PCDHGA1: variants seen among roughly 807,000 people sequenced by gnomAD.
PCDHGA1 encodes protocadherin gamma subfamily A, 1, also known as protocadherin gamma-A1.
Under a neutral mutation model 58.0 loss-of-function variants are expected in PCDHGA1, and 32 were observed. The ratio of observed to expected loss-of-function variants is 0.55; its 90% CI spans 0.42 to 0.74. The LOEUF is 0.74. Among genes scored for constraint, PCDHGA1 ranks in the 30% least tolerant of loss-of-function variants. PCDHGA1 has a pLI of 0.00. For synonymous variants in PCDHGA1, 498 were observed against 501.1 expected, an observed-to-expected ratio of 0.99 and a Z score of 0.08; for missense variants, 1,205 against 1,182.3, an observed-to-expected ratio of 1.02 and a Z score of -0.28.
At chr5:141,402,433 A>C (rs1331958085) in intron 1 of PCDHGA1, among the ~76,000 whole-genome samples, 1 of 152,146 alleles carries the variant, frequency 6.6e-6, no homozygotes, top group Non-Finnish European at 1.5e-5. Context: ...GAAGCATCAT[A>C]AAAAGGAAAT....
At chr5:141,390,414 G>A in intron 1 of PCDHGA1, 1 of 1,159,988 alleles carries the variant, frequency 8.6e-7, no homozygotes, top group Non-Finnish European at 1.2e-6. Context: ...GTTGTAGTCA[G>A]TTAAAAAGCT....
chr5:141,510,221 C>T lies in PCDHGA1; in HGVS notation c.2570-726C>T, dbSNP rs891359580. On this transcript the variant is annotated intron_variant, in intron 3 of 3. Transcript: ENST00000517417. The stretch of plus-strand genomic sequence containing the variant: ...CCAGGAGGCAGAGGTTGCAGTGAGC[C>T]GGGATCGCGCCACTGCACTCCAGGC... Among the ~76,000 whole-genome samples, 12 of 150,616 alleles carry T rather than the reference C, an allele frequency of 8.0e-5. No homozygotes were observed. In the East Asian group the frequency reaches 1.2e-3, roughly 15 times the overall value.
chr5:141,386,463 C>T (rs2090584678), intron 1 of PCDHGA1, among the ~76,000 whole-genome samples: 1 of 152,034 alleles, frequency 6.6e-6, no homozygotes, highest in Admixed American at 6.6e-5. Context: ...ACAGCTTGAA[C>T]CCAAGAATTG....
Position 141,431,559 on chromosome 5 carries a change from C to A in PCDHGA1, c.2422-63248C>A. On this transcript the variant is annotated intron_variant, in intron 1 of 3. Coordinates refer to ENST00000517417, the MANE Select transcript of PCDHGA1 (RefSeq NM_018912.3). The surrounding 1 kb of genome is among the most constrained non-coding windows in gnomAD (Gnocchi z 4.8). ...ACGCAGCTGCTTGTAGTCAACGCTA[C>A]CGACCCTGACGAAGGAGTCAATGCG... is the stretch of plus-strand genomic sequence containing the variant. 6.2e-7 allele frequency: 1 copy of A among 1,614,158 alleles called. No homozygotes were observed. The highest frequency in any genetic ancestry group is 8.5e-7 in the Non-Finnish European group (1 of 1,180,030).
At chr5:141,368,404 C>G (rs778461695) in intron 1 of PCDHGA1, among the ~76,000 whole-genome samples, 1 of 152,034 alleles carries the variant, frequency 6.6e-6, no homozygotes, top group Non-Finnish European at 1.5e-5. Context: ...AACACACATA[C>G]ATACACACAT....
chr5:141,375,164 C>A (rs374150026), intron 1 of PCDHGA1: 3 of 1,613,840 alleles, frequency 1.9e-6, no homozygotes, highest in African/African-American at 1.3e-5. Flanking sequence ...TGAAAGTGCA[C>A]CTCCAGGAAC....
chr5:141,456,715 A>G (rs2098881350), intron 1 of PCDHGA1, among the ~76,000 whole-genome samples: 1 of 152,204 alleles, frequency 6.6e-6, no homozygotes, highest in South Asian at 2.1e-4. Flanking sequence ...CTGTAATCCC[A>G]GCACTTTGGG....
Position 141,383,965 on chromosome 5 carries a change from A to G in PCDHGA1, c.2421+50860A>G, listed in dbSNP as rs1208203107. ...GACTATGACGTCTTTAAGTAGCTCA[A>G]TCCCTGAAGACACACCTCTTGGGAC... On this transcript the variant is annotated intron_variant, in intron 1 of 3. Coordinates refer to ENST00000517417, the MANE Select transcript of PCDHGA1 (RefSeq NM_018912.3). 1 of 1,613,598 alleles carries G rather than the reference A, an allele frequency of 6.2e-7. No individual in the cohort carries two copies. The highest frequency in any genetic ancestry group is 2.2e-5 in the East Asian group (1 of 44,892).
chr5:141,500,188 A>T (rs182086759), intron 2 of PCDHGA1, among the ~76,000 whole-genome samples: 173 of 98,190 alleles, frequency 1.8e-3, no homozygotes, highest in African/African-American at 4.0e-3. Flanking sequence ...TTTTATTTTT[A>T]TTTATTTATT....
At position 141,491,651 on chromosome 5, in the gene PCDHGA1, A is replaced by G. The variant is rs1379494110; in HGVS notation, c.2422-3156A>G. 1.9e-6 allele frequency: 3 copies of G among 1,613,796 alleles called. 1 individual carries two copies. ...CAGCAGCCCACAGCTCTGGCGCTGGAGCCTGACGCCATCCGGTCCCGCTCT... is the reference window on the plus strand; with the variant it reads ...CAGCAGCCCACAGCTCTGGCGCTGGGGCCTGACGCCATCCGGTCCCGCTCT... On this transcript the variant is annotated intron_variant, in intron 1 of 3. Coordinates refer to ENST00000517417, the MANE Select transcript of PCDHGA1 (RefSeq NM_018912.3). The surrounding 1 kb of genome is among the most constrained non-coding windows in gnomAD (Gnocchi z 6.9).
intron 1 of PCDHGA1, chr5:141,357,368 G>C: frequency 1.2e-6 from 2 of 1,614,156 alleles, no homozygotes; most frequent in Non-Finnish European, 1.7e-6. Flanking sequence ...CACAAGTCAC[G>C]CCTGCTTCAC....
At chr5:141,422,415 A>C (rs1330043187) in intron 1 of PCDHGA1, 1 of 1,604,786 alleles carries the variant, frequency 6.2e-7, no homozygotes, top group Admixed American at 1.7e-5. Flanking sequence ...TTAAATTAGA[A>C]AAGACTTATG....
intron 1 of PCDHGA1, chr5:141,409,193 T>C (rs1268258873): frequency 2.5e-6 from 4 of 1,613,870 alleles, no homozygotes; most frequent in Admixed American, 1.7e-5. Flanking sequence ...CTCTACCCAG[T>C]GTAAAGTAAT....
At chr5:141,345,439 C>A (rs781570393) in intron 1 of PCDHGA1, 4 of 1,614,096 alleles carry the variant, frequency 2.5e-6, no homozygotes, top group Non-Finnish European at 3.4e-6. Context: ...CCCAGAGGAG[C>A]CTCCATCTTC....
At chr5:141,370,349 G>C (rs371382232) in intron 1 of PCDHGA1, 27 of 1,496,692 alleles carry the variant, frequency 1.8e-5, no homozygotes, top group Non-Finnish European at 2.3e-5. Context: ...ATTATTTAAA[G>C]ATCTCCTCTC....
Position 141,330,948 on chromosome 5 carries a change from C to T in PCDHGA1, c.264C>T (p.Arg88=). The T allele has an allele frequency of 6.2e-7, 1 of 1,614,192 alleles. No individual in the cohort carries two copies. Among genetic ancestry groups the T allele is most frequent in the East Asian group, 2.2e-5 (1 of 44,882 alleles). The change falls in exon 1 of 4, where the codon CGC becomes CGT. Residue 88 remains arginine (R), a synonymous_variant. Coordinates refer to ENST00000517417, the MANE Select transcript of PCDHGA1 (RefSeq NM_018912.3). ...NPRSGSLITA[R]RIDREELCAQ... is the part of the protein sequence containing the mutation. ...GAAGTGGCAGCTTGATCACCGCGCG[C>T]AGGATAGACCGGGAGGAGCTCTGCG... is the stretch of plus-strand genomic sequence containing the variant.
chr5:141,437,478 T>G (rs942305423), intron 1 of PCDHGA1, among the ~76,000 whole-genome samples: 2 of 152,210 alleles, frequency 1.3e-5, no homozygotes, highest in African/African-American at 2.4e-5. Flanking sequence ...TATAGCATAT[T>G]TAATCTCGTA....
At chr5:141,351,090 C>T in intron 1 of PCDHGA1, 1 of 1,614,036 alleles carries the variant, frequency 6.2e-7, no homozygotes, top group South Asian at 1.1e-5. Flanking sequence ...ATCACCTATG[C>T]CTTCCTCAAT....
At chr5:141,362,372 G>T (rs1762464111) in intron 1 of PCDHGA1, 1 of 1,614,054 alleles carries the variant, frequency 6.2e-7, no homozygotes, top group Non-Finnish European at 8.5e-7. Flanking sequence ...TACAGTGAGG[G>T]TACATTGCCC....
Sources: gnomAD v4.1 joint callset for allele counts (sites outside exome capture counted in the v4.1 genomes callset) on GRCh38, gnomAD v4.1.1 for gene constraint, Gnocchi (gnomAD v3.1) non-coding constraint, MANE v1.5 for transcripts, NCBI Gene and HGNC (gene_info 2026-07-23, HGNC 2026-07-21) for gene names.